Variants in TTC7A observed in about 807,000 individuals in gnomAD.
The protein encoded by TTC7A is tetratricopeptide repeat protein 7A.
A neutral mutation model predicts 103.7 loss-of-function variants in TTC7A; 110 were observed. The ratio of observed to expected loss-of-function variants is 1.06; its 90% CI spans 0.91 to 1.24. TTC7A has a LOEUF of 1.24. Ranked by LOEUF, TTC7A falls within the 50% of genes most tolerant of loss-of-function variation. The probability of loss-of-function intolerance (pLI) is 0.00; values close to 1 mark genes in which losing one functional copy is unlikely to be tolerated. For synonymous variants in TTC7A, 521 were observed against 467.9 expected, an observed-to-expected ratio of 1.11 and a Z score of -1.47; for missense variants, 1,340 against 1,116.3, an observed-to-expected ratio of 1.20 and a Z score of -2.86.
chr2:47,046,435 A>C lies in TTC7A; in HGVS notation c.1919+4A>C, dbSNP rs751964737. The C allele has an allele frequency of 6.2e-7, 1 of 1,612,164 alleles. No homozygotes were observed. The highest frequency in any genetic ancestry group is 2.2e-5 in the East Asian group (1 of 44,856). ...TGTACAGCTTCTCCCAGCTGGGGTG[A>C]GTGGCCGTCATTGTCTCTTGGGTTG... On this transcript the variant is annotated splice_donor_region_variant and intron_variant, in intron 16 of 19. Transcript: ENST00000319190.
intron 1 of TTC7A, among the ~76,000 whole-genome samples, chr2:46,942,919 T>C (rs1670570615): frequency 1.3e-5 from 2 of 152,080 alleles, no homozygotes; most frequent in South Asian, 4.1e-4. Context: ...TGTTTGTTTG[T>C]TTTTGAGACA....
chr2:46,961,132 A>G (rs1334926775), intron 3 of TTC7A, among the ~76,000 whole-genome samples: 1 of 152,210 alleles, frequency 6.6e-6, no homozygotes, highest in Non-Finnish European at 1.5e-5. Flanking sequence ...CGGACCCCTG[A>G]CCAAACATGT....
At chr2:47,009,445 C>T (rs1677777022) in intron 10 of TTC7A, among the ~76,000 whole-genome samples, 1 of 152,144 alleles carries the variant, frequency 6.6e-6, no homozygotes, top group African/African-American at 2.4e-5. Flanking sequence ...TGAGAGCACA[C>T]CCTCGGCAAA....
At position 47,059,130 on chromosome 2, in the gene TTC7A, T is replaced by G. The variant is rs1371800132; in HGVS notation, c.2153-1639T>G. Among the ~76,000 whole-genome samples the G allele has an allele frequency of 2.1e-5, 3 of 146,108 alleles. No homozygotes were observed. The East Asian group carries it at 6.5e-4, about 32-fold the overall frequency. ...TCCGCCTCCCAGATTCAATGAACTC[T>G]CTGCCTCAGCCTCCCAAGTACCTGG... On this transcript the variant is annotated intron_variant, in intron 18 of 19. Coordinates refer to ENST00000319190, the MANE Select transcript of TTC7A (RefSeq NM_020458.4).
rs565181997 is a variant in TTC7A at position 46,988,651 on chromosome 2, G to A, written c.765-4799G>A. Among the ~76,000 whole-genome samples the A allele has an allele frequency of 1.7e-4, 26 of 152,292 alleles. No individual in the cohort carries two copies. The South Asian group carries it at 3.7e-3, about 22-fold the overall frequency. On this transcript the variant is annotated intron_variant, in intron 5 of 19. Coordinates refer to ENST00000319190, the MANE Select transcript of TTC7A (RefSeq NM_020458.4). ...GCAGAATACTTGGCTAATCTCTATT[G>A]TGAACAGAGCTGATGACCAGGCACT...
chr2:47,051,127 C>T (rs1305164219), intron 17 of TTC7A, among the ~76,000 whole-genome samples: 1 of 152,188 alleles, frequency 6.6e-6, no homozygotes, highest in Non-Finnish European at 1.5e-5. Flanking sequence ...GGGTACCTTT[C>T]TACAAACAAA....
At chr2:46,976,215 G>T (rs577107090) in intron 4 of TTC7A, among the ~76,000 whole-genome samples, 1 of 152,208 alleles carries the variant, frequency 6.6e-6, no homozygotes, top group Non-Finnish European at 1.5e-5. Context: ...CACACTGACT[G>T]GATGAAATCG....
At chr2:46,953,781 A>G (rs538979204) in intron 2 of TTC7A, among the ~76,000 whole-genome samples, 2 of 148,684 alleles carry the variant, frequency 1.3e-5, no homozygotes, top group Non-Finnish European at 3.0e-5. Context: ...CTGCAACGGT[A>G]TTTACTATTA....
chr2:47,064,546 T>C (rs1232890776), intron 19 of TTC7A, among the ~76,000 whole-genome samples: 1 of 152,190 alleles, frequency 6.6e-6, no homozygotes, highest in Non-Finnish European at 1.5e-5. Flanking sequence ...CTTCAAGGCT[T>C]GCCCAGGAAG....
Position 47,074,158 on chromosome 2 carries a change from G to A in TTC7A, c.*235G>A, listed in dbSNP as rs1171124041. The A allele has an allele frequency of 3.5e-5, 20 of 564,486 alleles. No homozygotes were observed. Among genetic ancestry groups the A allele is most frequent in the Middle Eastern group, 9.3e-4 (2 of 2,144 alleles). 35.0% of individuals were successfully genotyped at this position (564,486 alleles called of 1,614,324 possible). A position where few individuals can be genotyped will look rare whatever the true frequency, so the allele number is the denominator to read the frequency against. ...CTTGAACCCTAAGTGCCTTTGGAGA[G>A]TTTTGTGGTGACCAGACTTGCTCCC... On this transcript the variant is annotated 3_prime_UTR_variant, in exon 20 of 20. Transcript: ENST00000319190.
chr2:46,940,765 G>C (rs1670261990), upstream of TTC7A, among the ~76,000 whole-genome samples: 1 of 152,212 alleles, frequency 6.6e-6, no homozygotes, highest in African/African-American at 2.4e-5. The surrounding 1 kb of genome is among the most constrained non-coding windows in gnomAD (Gnocchi z 4.7). Context: ...GTCCTCGCGA[G>C]CATGCCTGGC....
intron 18 of TTC7A, among the ~76,000 whole-genome samples, chr2:47,055,486 G>C (rs916667718): frequency 2.0e-5 from 3 of 152,188 alleles, no homozygotes; most frequent in African/African-American, 7.2e-5. Context: ...GTGAGAGTGG[G>C]AGAGGCACAG....
At chr2:46,995,238 T>C in intron 8 of TTC7A, 39 bp downstream of exon 8, 1 of 1,607,802 alleles carries the variant, frequency 6.2e-7, no homozygotes. Context: ...TCTGGCCCTC[T>C]GACCCTGTGG....
chr2:47,004,227 C>T (rs1284892952), intron 8 of TTC7A, among the ~76,000 whole-genome samples: 1 of 152,200 alleles, frequency 6.6e-6, no homozygotes, highest in Non-Finnish European at 1.5e-5. Context: ...CCATCAGAAC[C>T]CCTGGCCACC....
intron 3 of TTC7A, among the ~76,000 whole-genome samples, chr2:46,960,097 C>T (rs1028366943): frequency 6.6e-6 from 1 of 152,186 alleles, no homozygotes; most frequent in Admixed American, 6.5e-5. Context: ...CTCAGACTGA[C>T]CAGGTCCAGC....
intron 2 of TTC7A, among the ~76,000 whole-genome samples, chr2:46,934,787 C>CTTTTCT (rs1669883537): frequency 6.0e-5 from 4 of 66,888 alleles, no homozygotes; most frequent in African/African-American, 2.6e-4. Context: ...GACTACTGCT[C>CTTTTCT]TTTTTTTTTT....
At chr2:46,999,937 T>G (rs569625599) in intron 8 of TTC7A, 2 of 981,402 alleles carry the variant, frequency 2.0e-6, no homozygotes, top group African/African-American at 3.5e-5. Flanking sequence ...ACAGACTTTG[T>G]GCCATGCCCA....
At chr2:46,994,208 C>T (rs954026445) in intron 6 of TTC7A, 149 bp from the exon 7 acceptor site, 2 of 881,006 alleles carry the variant, frequency 2.3e-6, no homozygotes, top group East Asian at 5.2e-5. Context: ...AGCAAGGGGG[C>T]TCCTTGGGAG....
At chr2:46,987,607 G>T (rs1397957081) in intron 5 of TTC7A, among the ~76,000 whole-genome samples, 1 of 152,226 alleles carries the variant, frequency 6.6e-6, no homozygotes, top group East Asian at 1.9e-4. Context: ...TGGGTCCAGA[G>T]TGAGCTTGGG....
Sources: allele counts gnomAD v4.1 joint callset (sites outside exome capture counted in the v4.1 genomes callset), GRCh38; gene constraint gnomAD v4.1.1; non-coding constraint Gnocchi (gnomAD v3.1); transcripts MANE v1.5; gene names NCBI Gene and HGNC (gene_info 2026-07-23, HGNC 2026-07-21).